COPG2: variants seen among roughly 807,000 people sequenced by gnomAD.
The protein encoded by COPG2 is coat protein complex I subunit gamma 2, also known as coatomer subunit gamma-2.
In COPG2, 37 loss-of-function variants were observed where a neutral mutation model predicts 46.3. The ratio of observed to expected loss-of-function variants is 0.80; its 90% CI spans 0.61 to 1.05. The LOEUF is 1.05. Ranked by LOEUF, COPG2 falls within the 50% of genes least tolerant of loss-of-function variation. The pLI is 0.00. For missense variants in COPG2, 427 were observed against 387.8 expected, an observed-to-expected ratio of 1.10 and a Z score of -0.85; for synonymous variants, 159 against 129.7, an observed-to-expected ratio of 1.23 and a Z score of -1.53.
intron 5 of COPG2, among the ~76,000 whole-genome samples, chr7:130,644,613 G>A (rs1795555982): frequency 6.6e-6 from 1 of 152,172 alleles, no homozygotes; most frequent in African/African-American, 2.4e-5. Flanking sequence ...GATAAATAGT[G>A]TCTTCCATAC....
At chr7:130,571,287 A>C (rs1793892983) in intron 9 of COPG2, among the ~76,000 whole-genome samples, 1 of 152,236 alleles carries the variant, frequency 6.6e-6, no homozygotes, top group South Asian at 2.1e-4. Context: ...AAGCTTTGCA[A>C]ATGGTGCATC....
In COPG2 at chr7:130,637,310, A is replaced by C. The variant is rs201540217; in HGVS notation, c.323+15559T>G. ...GGAAGTTCTTCTGGATAATATCCTG[A>C]AGAGTGTTTTCCAACTTGGTTCCAT... On this transcript the variant is annotated intron_variant, in intron 5 of 23. Transcript: ENST00000425248. Among the ~76,000 whole-genome samples the C allele has an allele frequency of 7.9e-5, 12 of 152,274 alleles. No homozygotes were observed. In the South Asian group the frequency reaches 1.0e-3, roughly 13 times the overall value.
chr7:130,613,332 T>A (rs2116507666), intron 7 of COPG2, among the ~76,000 whole-genome samples: 1 of 152,338 alleles, frequency 6.6e-6, no homozygotes, highest in South Asian at 2.1e-4. Context: ...CCACCTGCTG[T>A]GCAGCCCAGT....
intron 12 of COPG2, among the ~76,000 whole-genome samples, chr7:130,558,206 GC>G (rs1279869280): frequency 6.6e-6 from 1 of 152,018 alleles, no homozygotes; most frequent in Non-Finnish European, 1.5e-5. Flanking sequence ...AATTGTAATC[GC>G]CAGTGTTGGA....
intron 9 of COPG2, among the ~76,000 whole-genome samples, chr7:130,577,043 A>T (rs1230632848): frequency 6.6e-6 from 1 of 152,188 alleles, no homozygotes; most frequent in Admixed American, 6.5e-5. Flanking sequence ...GAAAAATACA[A>T]CTCTCCTAGC....
chr7:130,620,368 C>A (rs1795017762), intron 5 of COPG2, among the ~76,000 whole-genome samples: 1 of 152,118 alleles, frequency 6.6e-6, no homozygotes, highest in African/African-American at 2.4e-5. Flanking sequence ...TATATGACTA[C>A]CCCATAACCA....
At chr7:130,649,454 G>A (rs967119223) in intron 5 of COPG2, among the ~76,000 whole-genome samples, 1 of 152,076 alleles carries the variant, frequency 6.6e-6, no homozygotes, top group Admixed American at 6.5e-5. Context: ...TCAACACTTT[G>A]CTTGGAAATC....
At chr7:130,562,619 A>G (rs1180586157) in intron 11 of COPG2, among the ~76,000 whole-genome samples, 6 of 152,194 alleles carry the variant, frequency 3.9e-5, no homozygotes, top group Non-Finnish European at 5.9e-5. Flanking sequence ...ACTACCAGGC[A>G]TTTGAAAGGT....
intron 9 of COPG2, among the ~76,000 whole-genome samples, chr7:130,578,566 T>C (rs1794061967): frequency 6.6e-6 from 1 of 150,852 alleles, no homozygotes; most frequent in Non-Finnish European, 1.5e-5. Context: ...CGGGAGGACA[T>C]TCAAACCAAA....
chr7:130,553,341 CT>C (rs1348598457), intron 14 of COPG2, among the ~76,000 whole-genome samples: 28 of 145,868 alleles, frequency 1.9e-4, no homozygotes, highest in Admixed American at 2.1e-4. Context: ...CCCGCCTTTT[CT>C]TTTTTTTTTA....
intron 5 of COPG2, among the ~76,000 whole-genome samples, chr7:130,622,222 G>A (rs1425797705): frequency 6.6e-6 from 1 of 152,150 alleles, no homozygotes; most frequent in Non-Finnish European, 1.5e-5. Context: ...AATCTTCCGA[G>A]GAGCCTTATG....
At chr7:130,632,056 C>A in intron 5 of COPG2, among the ~76,000 whole-genome samples, 1 of 152,092 alleles carries the variant, frequency 6.6e-6, no homozygotes, top group Admixed American at 6.6e-5. Context: ...TAAGTACTAT[C>A]CATATGTTGT....
chr7:130,638,818 G>A (rs1236305526), intron 5 of COPG2, among the ~76,000 whole-genome samples: 6 of 152,116 alleles, frequency 3.9e-5, no homozygotes, highest in East Asian at 3.9e-4. Flanking sequence ...CTGCCCAAAC[G>A]GCCGCCCAGT....
At chr7:130,638,131 C>G (rs1380515838) in intron 5 of COPG2, among the ~76,000 whole-genome samples, 1 of 152,166 alleles carries the variant, frequency 6.6e-6, no homozygotes, top group Non-Finnish European at 1.5e-5. Flanking sequence ...CAGATGCCAG[C>G]TGGAGCTCTC....
intron 20 of COPG2, among the ~76,000 whole-genome samples, chr7:130,531,768 G>A (rs1035775575): frequency 6.8e-6 from 1 of 147,468 alleles, no homozygotes; most frequent in Non-Finnish European, 1.5e-5. Flanking sequence ...TGGAGAGACT[G>A]AAGTGCAGGG....
At chr7:130,652,818 C>G in intron 5 of COPG2, 51 bp downstream of exon 5, 1 of 1,170,108 alleles carries the variant, frequency 8.5e-7, no homozygotes, top group East Asian at 2.4e-5. Context: ...CAACAGAAAG[C>G]AAACAGCAAA....
intron 5 of COPG2, among the ~76,000 whole-genome samples, chr7:130,619,888 A>G (rs1223215759): frequency 2.0e-5 from 3 of 152,128 alleles, no homozygotes; most frequent in African/African-American, 7.2e-5. Context: ...TGACACTGAA[A>G]ACTGCCATGA....
chr7:130,625,341 A>G (rs1795099454), intron 5 of COPG2, among the ~76,000 whole-genome samples: 1 of 152,180 alleles, frequency 6.6e-6, no homozygotes, highest in African/African-American at 2.4e-5. Context: ...TCATCTAAAA[A>G]CAGATAGCTT....
At chr7:130,549,752 C>T (rs1273597787) in intron 17 of COPG2, among the ~76,000 whole-genome samples, 2 of 152,108 alleles carry the variant, frequency 1.3e-5, no homozygotes, top group East Asian at 1.9e-4. Flanking sequence ...ATTGTTTCTT[C>T]CCAGTTTTGT....
Sources: gnomAD v4.1 joint callset for allele counts (sites outside exome capture counted in the v4.1 genomes callset) on GRCh38, gnomAD v4.1.1 for gene constraint, MANE v1.5 for transcripts, NCBI Gene and HGNC (gene_info 2026-07-23, HGNC 2026-07-21) for gene names.